The following NFIB variants were observed in gnomAD, a reference collection of about 807,000 sequenced individuals.
NFIB encodes nuclear factor 1 B-type.
NFIB carries 11 observed loss-of-function variants against 61.5 expected under a neutral mutation model. The observed-to-expected ratio is 0.18, with a 90% CI of 0.11 to 0.30. The LOEUF (loss-of-function observed/expected upper bound fraction) is 0.30. NFIB is among the 10% of genes least tolerant of loss of function. The pLI, the probability that NFIB is intolerant of heterozygous loss-of-function variation, is 1.00. For missense variants in NFIB, 471 were observed against 608.9 expected (o/e 0.77, Z 2.38); for synonymous variants, 260 against 216.5 (o/e 1.20, Z -1.76).
intron 2 of NFIB, among the ~76,000 whole-genome samples, chr9:14,281,997 C>T (rs1326786790): frequency 1.3e-5 from 2 of 152,078 alleles, no homozygotes; most frequent in African/African-American, 4.8e-5. Context: ...CCAATGTAAA[C>T]TTTAAAGGAA....
chr9:14,136,152 GA>G (rs1336647383), intron 6 of NFIB, among the ~76,000 whole-genome samples: 1 of 152,128 alleles, frequency 6.6e-6, no homozygotes, highest in Non-Finnish European at 1.5e-5. Flanking sequence ...CTAAAACAGT[GA>G]ATATGGAATA....
the NFIB span, among the ~76,000 whole-genome samples, chr9:14,481,965 C>G: frequency 6.6e-6 from 1 of 152,072 alleles, no homozygotes; most frequent in Non-Finnish European, 1.5e-5. Flanking sequence ...ATTGGCCGGA[C>G]TAAATGACCT....
chr9:14,420,457 A>T, the NFIB span, among the ~76,000 whole-genome samples: 1 of 150,136 alleles, frequency 6.7e-6, no homozygotes, highest in African/African-American at 2.4e-5. Flanking sequence ...AAAAAAAAAA[A>T]AAAAAAAAAA....
At chr9:14,285,772 A>T (rs894904197) in intron 2 of NFIB, among the ~76,000 whole-genome samples, 1 of 152,354 alleles carries the variant, frequency 6.6e-6, no homozygotes, top group African/African-American at 2.4e-5. Context: ...GGCAATGGTC[A>T]CATGTGGAAA....
At chr9:14,454,935 T>A in the NFIB span, among the ~76,000 whole-genome samples, 6 of 152,222 alleles carry the variant, frequency 3.9e-5, no homozygotes, top group Non-Finnish European at 7.3e-5. Flanking sequence ...GAACCTGGAA[T>A]GAATTGAATT....
chr9:14,151,703 G>C (rs866605593), intron 4 of NFIB, among the ~76,000 whole-genome samples: 1 of 152,248 alleles, frequency 6.6e-6, no homozygotes, highest in Middle Eastern at 3.4e-3. Flanking sequence ...CATAGGTAGA[G>C]ATAATGTGCA....
intron 2 of NFIB, among the ~76,000 whole-genome samples, chr9:14,306,653 G>C (rs1021308372): frequency 3.9e-5 from 6 of 152,104 alleles, no homozygotes; most frequent in Admixed American, 3.9e-4. Context: ...ATGCAAAAAT[G>C]TAGCCTACGA....
chr9:14,358,400 C>T (rs1413156030), intron 1 of NFIB, among the ~76,000 whole-genome samples: 1 of 152,062 alleles, frequency 6.6e-6, no homozygotes, highest in East Asian at 1.9e-4. Context: ...ATTTTATGGG[C>T]TAACTAAAAT....
At chr9:14,192,895 T>G (rs1246977773) in intron 2 of NFIB, among the ~76,000 whole-genome samples, 1 of 152,090 alleles carries the variant, frequency 6.6e-6, no homozygotes, top group East Asian at 1.9e-4. Flanking sequence ...GATACATTTG[T>G]TTTTTTGAAT....
rs755012373 is a variant in NFIB at position 14,155,901 on chromosome 9, T to C, written c.617-8A>G. ...AACTATCCTCAAGGTAACCTGAAAA[T>C]AAATATTAAAGGAAAAATGATCAAT... On this transcript the variant is annotated splice_polypyrimidine_tract_variant and splice_region_variant and intron_variant, in intron 3 of 10. Coordinates refer to ENST00000380953, the MANE Select transcript of NFIB (RefSeq NM_001190737.2). 3.3e-6 allele frequency: 5 copies of C among 1,499,732 alleles called. No individual in the cohort carries two copies. Among genetic ancestry groups the C allele is most frequent in the Middle Eastern group, 1.7e-4 (1 of 5,772 alleles). The allele number at this position is 1,499,732 out of a possible 1,614,324, so 92.9% of individuals were successfully genotyped here.
intron 2 of NFIB, among the ~76,000 whole-genome samples, chr9:14,222,489 T>C (rs1375464412): frequency 1.3e-5 from 2 of 152,136 alleles, no homozygotes; most frequent in African/African-American, 4.8e-5. Flanking sequence ...ATCTGTCCCT[T>C]TATTCATTAA....
At chr9:14,254,951 C>A (rs767352275) in intron 2 of NFIB, among the ~76,000 whole-genome samples, 4 of 152,112 alleles carry the variant, frequency 2.6e-5, no homozygotes, top group Non-Finnish European at 4.4e-5. Flanking sequence ...AAAGCGCCAA[C>A]CATGCTTCCA....
At chr9:14,201,842 A>G (rs931331541) in intron 2 of NFIB, among the ~76,000 whole-genome samples, 3 of 152,188 alleles carry the variant, frequency 2.0e-5, no homozygotes, top group African/African-American at 7.2e-5. Flanking sequence ...TTATACAGGT[A>G]ATTAACATTC....
intron 1 of NFIB, among the ~76,000 whole-genome samples, chr9:14,320,878 G>C (rs2132815185): frequency 6.6e-6 from 1 of 152,254 alleles, no homozygotes; most frequent in East Asian, 1.9e-4. Flanking sequence ...TCCGTTCAAA[G>C]AAAGTCAGAG....
chr9:14,363,053 T>C (rs909487142), intron 1 of NFIB, among the ~76,000 whole-genome samples: 1 of 152,208 alleles, frequency 6.6e-6, no homozygotes, highest in South Asian at 2.1e-4. Context: ...ACATTCATTT[T>C]ATTGAGTCCC....
chr9:14,340,296 G>A (rs1472543631), intron 1 of NFIB, among the ~76,000 whole-genome samples: 2 of 152,268 alleles, frequency 1.3e-5, no homozygotes, highest in South Asian at 2.1e-4. Context: ...TGCATACTTA[G>A]TAAAAGAATG....
chr9:14,279,758 C>G (rs1396721949), intron 2 of NFIB, among the ~76,000 whole-genome samples: 1 of 152,138 alleles, frequency 6.6e-6, no homozygotes. Context: ...GTTGAAGAGG[C>G]CATCTCAGAC....
At chr9:14,252,541 A>T (rs1052517870) in intron 2 of NFIB, among the ~76,000 whole-genome samples, 1 of 152,186 alleles carries the variant, frequency 6.6e-6, no homozygotes, top group Non-Finnish European at 1.5e-5. Flanking sequence ...TTGTTAAAAA[A>T]AACAGAAACT....
the NFIB span, among the ~76,000 whole-genome samples, chr9:14,496,723 C>G: frequency 6.6e-6 from 1 of 152,186 alleles, no homozygotes; most frequent in Non-Finnish European, 1.5e-5. Flanking sequence ...AAATGTCAAA[C>G]AGAAACACTT....
Sources: allele counts gnomAD v4.1 joint callset (sites outside exome capture counted in the v4.1 genomes callset), GRCh38; gene constraint gnomAD v4.1.1; transcripts MANE v1.5; gene names NCBI Gene and HGNC (gene_info 2026-07-23, HGNC 2026-07-21).